The following PACRG variants were observed in gnomAD, a reference collection of about 807,000 sequenced individuals.
The protein encoded by PACRG is parkin coregulated gene protein.
In PACRG, 29 loss-of-function variants were observed where a neutral mutation model predicts 29.7. The observed-to-expected ratio is 0.98, with a 90% CI of 0.73 to 1.33. PACRG has a LOEUF of 1.33. Ranked by LOEUF, PACRG falls within the 40% of genes most tolerant of loss-of-function variation. The probability of loss-of-function intolerance (pLI) is 0.00; values close to 1 mark genes in which losing one functional copy is unlikely to be tolerated. For synonymous variants in PACRG, 116 were observed against 118.7 expected, an observed-to-expected ratio of 0.98 and a Z score of 0.15; for missense variants, 279 against 316.2, an observed-to-expected ratio of 0.88 and a Z score of 0.89.
chr6:163,295,131 T>A lies in PACRG; in HGVS notation c.614-19696T>A, dbSNP rs76985595. The stretch of plus-strand genomic sequence containing the variant: ...AAATTTAGGTCAAACCACATGAAAT[T>A]GACATTTTTTAGCCAAAAATAGTTG... On this transcript the variant is annotated intron_variant, in intron 4 of 4. Coordinates refer to ENST00000366888, the MANE Select transcript of PACRG (RefSeq NM_001080379.2). 3.6e-3 allele frequency among the ~76,000 whole-genome samples: 547 copies of A among 152,346 alleles called. 5 individuals are homozygous for A. The highest frequency in any genetic ancestry group is 0.013 in the African/African-American group (523 of 41,578).
chr6:162,919,285 G>A (rs956074083), intron 2 of PACRG, among the ~76,000 whole-genome samples: 4 of 152,148 alleles, frequency 2.6e-5, no homozygotes, highest in Admixed American at 1.3e-4. Flanking sequence ...TCATGCCTGT[G>A]ATTTATGGGA....
chr6:163,113,369 GATGAAAGCC>G (rs1815814036), intron 4 of PACRG, among the ~76,000 whole-genome samples: 1 of 152,144 alleles, frequency 6.6e-6, no homozygotes, highest in African/African-American at 2.4e-5. Flanking sequence ...TTCTAAATAT[GATGAAAGCC>G]ATGAATGTAA....
chr6:163,007,686 T>A (rs1805243747), intron 2 of PACRG, among the ~76,000 whole-genome samples: 1 of 152,216 alleles, frequency 6.6e-6, no homozygotes, highest in East Asian at 1.9e-4. Context: ...AGATGTCCAG[T>A]GCCTTGAGAA....
intron 2 of PACRG, among the ~76,000 whole-genome samples, chr6:163,022,775 T>A (rs1806755841): frequency 6.6e-6 from 1 of 152,240 alleles, no homozygotes; most frequent in Non-Finnish European, 1.5e-5. Flanking sequence ...GAAATTTCCT[T>A]CGATTTGTCC....
At chr6:162,863,689 C>T (rs1328622424) in intron 2 of PACRG, among the ~76,000 whole-genome samples, 2 of 152,150 alleles carry the variant, frequency 1.3e-5, no homozygotes, top group Non-Finnish European at 2.9e-5. Flanking sequence ...TTCATTAAAT[C>T]CTTAAAACTT....
chr6:162,728,339 ACT>A lies in PACRG; in HGVS notation c.109_110del (p.Leu37GlyfsTer3). 1 of 1,613,764 alleles carries A rather than the reference ACT, an allele frequency of 6.2e-7. No individual in the cohort carries two copies. Among genetic ancestry groups the A allele is most frequent in the Non-Finnish European group, 8.5e-7 (1 of 1,179,978 alleles). On this transcript the variant is annotated frameshift_variant, in exon 1 of 5. Transcript: ENST00000366888. LOFTEE classifies it high-confidence loss of function. Reference sequence around the variant, plus strand: ...CAGCCGCTCCCGGTGCACCAGCCTCACTCTCTGGTTTCTGAGGGTTTCACAGT... The same window carrying A: ...CAGCCGCTCCCGGTGCACCAGCCTCACTCTGGTTTCTGAGGGTTTCACAGT...
chr6:162,755,972 T>C (rs531737301), intron 1 of PACRG, among the ~76,000 whole-genome samples: 1 of 152,326 alleles, frequency 6.6e-6, no homozygotes, highest in East Asian at 1.9e-4. Context: ...TTTTTTCTCA[T>C]CCATTTCTTG....
intron 4 of PACRG, among the ~76,000 whole-genome samples, chr6:163,188,807 A>G (rs1780072565): frequency 6.6e-6 from 1 of 152,254 alleles, no homozygotes; most frequent in Non-Finnish European, 1.5e-5. Context: ...GTCATTGCCC[A>G]TCCAGATAGC....
At chr6:163,120,429 G>A (rs1816213561) in intron 4 of PACRG, among the ~76,000 whole-genome samples, 1 of 152,126 alleles carries the variant, frequency 6.6e-6, no homozygotes, top group African/African-American at 2.4e-5. Context: ...GCGCTGTTGG[G>A]GTGAGGCATT....
intron 4 of PACRG, among the ~76,000 whole-genome samples, chr6:163,104,393 G>A (rs575463565): frequency 2.4e-4 from 37 of 152,074 alleles, no homozygotes; most frequent in South Asian, 1.5e-3. Flanking sequence ...AGCTGTCTTC[G>A]TCCATTTTTG....
chr6:162,768,334 G>A (rs1009992632), intron 1 of PACRG, among the ~76,000 whole-genome samples: 3 of 151,888 alleles, frequency 2.0e-5, no homozygotes, highest in African/African-American at 7.2e-5. Flanking sequence ...TCTAATTATT[G>A]TTCTTTTTTT....
Position 162,887,749 on chromosome 6 carries a change from T to C in PACRG, c.291+73468T>C, listed in dbSNP as rs61376341. Among the ~76,000 whole-genome samples the C allele has an allele frequency of 9.2e-3, 1,397 of 152,214 alleles. 17 individuals are homozygous for C. The highest frequency in any genetic ancestry group is 0.03 in the African/African-American group (1,255 of 41,514). ...CGTCCTTAAATACATTCCCTTGAGT[T>C]AGGTTGAGCCATCAGACTGGTTTGC... On this transcript the variant is annotated intron_variant, in intron 2 of 4. Coordinates refer to ENST00000366888, the MANE Select transcript of PACRG (RefSeq NM_001080379.2).
chr6:163,234,436 C>T (rs543861035), intron 4 of PACRG, among the ~76,000 whole-genome samples: 2 of 152,280 alleles, frequency 1.3e-5, no homozygotes, highest in Admixed American at 6.5e-5. Flanking sequence ...AGCTCCCCTT[C>T]GTCTTCCACA....
chr6:163,181,297 AG>A (rs1451048853), intron 4 of PACRG, among the ~76,000 whole-genome samples: 1 of 152,198 alleles, frequency 6.6e-6, no homozygotes, highest in African/African-American at 2.4e-5. Context: ...CAGGCAGCCT[AG>A]GAACTTTGAC....
rs1037172850 is a variant in PACRG, at chr6:163,149,246, C to A, written c.613+59838C>A. 7.9e-5 allele frequency among the ~76,000 whole-genome samples: 12 copies of A among 152,076 alleles called. No individual in the cohort carries two copies. In the East Asian group the frequency reaches 2.3e-3, roughly 30 times the overall value. On this transcript the variant is annotated intron_variant, in intron 4 of 4. Transcript: ENST00000366888. ...TCCTGCAGAGCTTCCGGAGGGGACG[C>A]CTCCCGCGGGCGCTGGCCGCTTCCC...
intron 1 of PACRG, among the ~76,000 whole-genome samples, chr6:162,810,583 A>G (rs1346638551): frequency 1.3e-5 from 2 of 152,208 alleles, no homozygotes; most frequent in Non-Finnish European, 2.9e-5. Flanking sequence ...GGAAAGTCTC[A>G]GAAAAGAAAT....
chr6:162,841,276 T>C (rs971194496), intron 2 of PACRG, among the ~76,000 whole-genome samples: 2 of 145,190 alleles, frequency 1.4e-5, no homozygotes, highest in African/African-American at 5.2e-5. Context: ...TTTCAGCTCC[T>C]GTTATTGGTC....
chr6:163,086,519 T>C (rs998559334), intron 3 of PACRG, among the ~76,000 whole-genome samples: 1 of 152,150 alleles, frequency 6.6e-6, no homozygotes, highest in African/African-American at 2.4e-5. Context: ...CCGTCTCTTT[T>C]CATTACATTT....
intron 2 of PACRG, among the ~76,000 whole-genome samples, chr6:162,911,753 G>A (rs897933681): frequency 1.3e-5 from 2 of 152,180 alleles, no homozygotes; most frequent in East Asian, 1.9e-4. Flanking sequence ...ATTTTCAAAG[G>A]TGTAGGGAGA....
Sources: gnomAD v4.1 joint callset for allele counts (sites outside exome capture counted in the v4.1 genomes callset) on GRCh38, gnomAD v4.1.1 for gene constraint, MANE v1.5 for transcripts, NCBI Gene and HGNC (gene_info 2026-07-23, HGNC 2026-07-21) for gene names.